The following SMYD1 variants were observed in gnomAD, a reference collection of about 807,000 sequenced individuals.
SMYD1 encodes the protein histone-lysine N-methyltransferase SMYD1.
In SMYD1, 49 loss-of-function variants were observed where a neutral mutation model predicts 54.0. The observed-to-expected ratio is 0.91, with a 90% CI of 0.72 to 1.15. The LOEUF (loss-of-function observed/expected upper bound fraction) is 1.15, where lower values mean the gene tolerates loss of function less well. Among genes scored for constraint, SMYD1 ranks in the 50% most tolerant of loss-of-function variants. SMYD1 has a pLI of 0.00. For synonymous variants in SMYD1, 269 were observed against 234.2 expected (o/e 1.15, Z -1.36); for missense variants, 653 against 639.6 (o/e 1.02, Z -0.23).
chr2:88,100,818 A>G (rs1674703165), intron 6 of SMYD1, among the ~76,000 whole-genome samples: 1 of 152,238 alleles, frequency 6.6e-6, no homozygotes, highest in South Asian at 2.1e-4. Context: ...AAGTTAAGCT[A>G]GGAGTGAGAC....
At chr2:88,088,903 T>C (rs1340856320) in intron 3 of SMYD1, among the ~76,000 whole-genome samples, 2 of 152,158 alleles carry the variant, frequency 1.3e-5, no homozygotes, top group Non-Finnish European at 2.9e-5. Flanking sequence ...GCTCAGGTCC[T>C]GGCTGTGGGG....
intron 6 of SMYD1, among the ~76,000 whole-genome samples, chr2:88,100,697 A>G (rs1674701233): frequency 6.6e-6 from 1 of 152,188 alleles, no homozygotes; most frequent in Non-Finnish European, 1.5e-5. Flanking sequence ...CAAAGACATG[A>G]TTTGAGTTCA....
At chr2:88,095,667 CCCAGGATTCT>C (rs1368034152) in intron 5 of SMYD1, among the ~76,000 whole-genome samples, 3 of 152,182 alleles carry the variant, frequency 2.0e-5, no homozygotes, top group Non-Finnish European at 4.4e-5. Context: ...GCAGGGAGGT[CCCAGGATTCT>C]GGGGAGATAC....
intron 1 of SMYD1, among the ~76,000 whole-genome samples, chr2:88,079,501 T>C (rs1256861541): frequency 6.6e-6 from 1 of 151,972 alleles, no homozygotes; most frequent in East Asian, 1.9e-4. Flanking sequence ...ATGCAAGGGG[T>C]CCATCCCTGA....
rs534554410 is a variant in SMYD1 at position 88,104,565 on chromosome 2, T to C, written c.981+1415T>C. Among the ~76,000 whole-genome samples the C allele has an allele frequency of 2.0e-5, 3 of 152,338 alleles. No homozygotes were observed. The East Asian group carries it at 5.8e-4, about 29-fold the overall frequency. The stretch of plus-strand genomic sequence containing the variant: ...CAGACTTGGCAGGGCTAGGTGTGGC[T>C]CTGGACACTGCCTCCATAGGTTTAA... On this transcript the variant is annotated intron_variant, in intron 7 of 9. Coordinates refer to ENST00000419482, the MANE Select transcript of SMYD1 (RefSeq NM_198274.4).
chr2:88,108,465 G>A lies in SMYD1; in HGVS notation c.1240G>A (p.Gly414Arg), dbSNP rs545286977. Reference protein sequence around the residue: ...WHAGNIEVGHGMICKAYAILL... With the variant: ...WHAGNIEVGHRMICKAYAILL... ...TGCTGGTAACATTGAGGTGGGGCAC[G>A]GGATGATCTGCAAAGCCTATGCCAT... Residue 414 changes from glycine (G) to arginine (R), a missense_variant, in exon 9 of 10, where the codon GGG becomes AGG. Transcript: ENST00000419482. The A allele has an allele frequency of 5.5e-5, 89 of 1,612,766 alleles. No homozygotes were observed. Among genetic ancestry groups the A allele is most frequent in the East Asian group, 4.9e-4 (22 of 44,688 alleles).
Position 88,067,981 on chromosome 2 carries a change from T to C in SMYD1, c.117T>C (p.Tyr39=). 1 of 1,613,702 alleles carries C rather than the reference T, an allele frequency of 6.2e-7. No homozygotes were observed. Among genetic ancestry groups the C allele is most frequent in the Non-Finnish European group, 8.5e-7 (1 of 1,180,010 alleles). Residue 39 remains tyrosine (Y), a synonymous_variant, in exon 1 of 10, where the codon TAT becomes TAC. Transcript: ENST00000419482. ...ATATCATCTTTGCTGAGCGGGCTTA[T>C]TCCGCAGTGGTTTTTGACAGGTATG... The part of the protein sequence containing the change: ...AADIIFAERA[Y]SAVVFDSLVN...
Position 88,110,470 on chromosome 2 carries a change from C to A in SMYD1, c.1431C>A (p.Pro477=). Residue 477 remains proline (P), a synonymous_variant, in exon 10 of 10, where the codon CCC becomes CCA. Transcript: ENST00000419482. ...NNQPMQVMAE[P]SNEPSPALFH... ...AGCCCATGCAGGTCATGGCCGAGCC[C>A]AGCAATGAGCCATCCCCAGCTCTGT... The A allele has an allele frequency of 6.3e-7, 1 of 1,599,872 alleles. No individual in the cohort carries two copies. The highest frequency in any genetic ancestry group is 8.5e-7 in the Non-Finnish European group (1 of 1,172,908).
rs74342424 is a variant in SMYD1, at chr2:88,081,766, C to T, written c.138-2550C>T. ...ACCCTAAATTAATGTGAGGTTTTCA[C>T]TAAAGAAACTAATGGAAGCATAATG... On this transcript the variant is annotated intron_variant, in intron 1 of 9. Coordinates refer to ENST00000419482, the MANE Select transcript of SMYD1 (RefSeq NM_198274.4). Among the ~76,000 whole-genome samples, 1,352 of 152,264 alleles carry T rather than the reference C, an allele frequency of 8.9e-3. 61 individuals are homozygous for T. The highest frequency in any genetic ancestry group is 0.063 in the East Asian group (326 of 5,170).
At chr2:88,081,786 A>G (rs1674202698) in intron 1 of SMYD1, among the ~76,000 whole-genome samples, 1 of 152,222 alleles carries the variant, frequency 6.6e-6, no homozygotes, top group Non-Finnish European at 1.5e-5. Context: ...TAATGGAAGC[A>G]TAATGTGGAG....
intron 1 of SMYD1, among the ~76,000 whole-genome samples, chr2:88,075,806 G>A (rs1454241868): frequency 6.6e-6 from 1 of 151,950 alleles, no homozygotes; most frequent in Admixed American, 6.6e-5. Context: ...GCCTCCCAAA[G>A]TTCTGGGATT....
At chr2:88,098,060 G>T (rs1324572028) in intron 6 of SMYD1, among the ~76,000 whole-genome samples, 2 of 152,128 alleles carry the variant, frequency 1.3e-5, no homozygotes, top group Non-Finnish European at 2.9e-5. Context: ...CATCATGGGC[G>T]CTACAGAAAA....
chr2:88,082,013 A>G (rs1674209232), intron 1 of SMYD1, among the ~76,000 whole-genome samples: 1 of 152,158 alleles, frequency 6.6e-6, no homozygotes, highest in African/African-American at 2.4e-5. Context: ...CTTGAGGCAG[A>G]TGTAAGAAAT....
chr2:88,068,372 C>T (rs1673877088), intron 1 of SMYD1, among the ~76,000 whole-genome samples: 1 of 151,992 alleles, frequency 6.6e-6, no homozygotes. Context: ...AAATACATTA[C>T]CAGATAAAGT....
chr2:88,071,383 G>GT (rs1673943371), intron 1 of SMYD1, among the ~76,000 whole-genome samples: 1 of 152,198 alleles, frequency 6.6e-6, no homozygotes, highest in Non-Finnish European at 1.5e-5. Context: ...AGCATTAACA[G>GT]TAACAATCCA....
intron 8 of SMYD1, among the ~76,000 whole-genome samples, chr2:88,106,940 C>T (rs1436592237): frequency 1.3e-5 from 2 of 152,168 alleles, no homozygotes; most frequent in African/African-American, 4.8e-5. Context: ...GTGGCTCACG[C>T]CTGTAATCCC....
intron 1 of SMYD1, among the ~76,000 whole-genome samples, chr2:88,070,522 A>G (rs1326451773): frequency 6.6e-6 from 1 of 152,134 alleles, no homozygotes; most frequent in Non-Finnish European, 1.5e-5. Flanking sequence ...TATAAAGCAT[A>G]GCAATAAATC....
intron 5 of SMYD1, among the ~76,000 whole-genome samples, chr2:88,094,715 A>G (rs1009734201): frequency 1.6e-4 from 25 of 152,222 alleles, no homozygotes; most frequent in African/African-American, 5.8e-4. Context: ...AATTGGCACA[A>G]TCATGATGGG....
intron 2 of SMYD1, among the ~76,000 whole-genome samples, chr2:88,085,800 C>T (rs1029131429): frequency 6.6e-6 from 1 of 152,186 alleles, no homozygotes; most frequent in African/African-American, 2.4e-5. Context: ...AGTTTCCAGG[C>T]ACCTGGAGTC....
Sources: allele counts gnomAD v4.1 joint callset (sites outside exome capture counted in the v4.1 genomes callset), GRCh38; gene constraint gnomAD v4.1.1; transcripts MANE v1.5; gene names NCBI Gene and HGNC (gene_info 2026-07-23, HGNC 2026-07-21).